The following ASAP1 variants were observed in gnomAD, a reference collection of about 807,000 sequenced individuals.
The protein encoded by ASAP1 is arf-GAP with SH3 domain, ANK repeat and PH domain-containing protein 1.
Under a neutral mutation model 145.2 loss-of-function variants are expected in ASAP1, and 43 were observed. The ratio of observed to expected loss-of-function variants is 0.30; its 90% CI spans 0.23 to 0.38. ASAP1 has a LOEUF of 0.38. Ranked by LOEUF, ASAP1 falls within the 10% of genes least tolerant of loss-of-function variation. The probability of loss-of-function intolerance (pLI) is 1.00; values close to 1 mark genes in which losing one functional copy is unlikely to be tolerated. For missense variants in ASAP1, 1,018 were observed against 1,355.3 expected, an observed-to-expected ratio of 0.75 and a Z score of 3.91; for synonymous variants, 546 against 515.5, an observed-to-expected ratio of 1.06 and a Z score of -0.80.
Position 130,137,104 on chromosome 8 carries a change from C to G in ASAP1, c.1081-66G>C, listed in dbSNP as rs916846671. On this transcript the variant is annotated intron_variant, in intron 13 of 29. Coordinates refer to ENST00000518721, the MANE Select transcript of ASAP1 (RefSeq NM_018482.4). ...ACTCTCTTGTCTGCAGGTTCAGTGC[C>G]CTGTAGGGCAGGTATGCTGTTCATA... 4 of 1,345,322 alleles carry G rather than the reference C, an allele frequency of 3.0e-6. No individual in the cohort carries two copies. In the East Asian group the frequency reaches 9.2e-5, roughly 31 times the overall value. 83.3% of individuals were successfully genotyped at this position (1,345,322 alleles called of 1,614,324 possible). A position where few individuals can be genotyped will look rare whatever the true frequency, so the allele number is the denominator to read the frequency against.
intron 11 of ASAP1, among the ~76,000 whole-genome samples, chr8:130,165,654 T>C (rs1035802995): frequency 4.6e-5 from 7 of 152,218 alleles, no homozygotes; most frequent in African/African-American, 7.2e-5. Flanking sequence ...ACTGCCTTAG[T>C]GTACACAGAT....
At chr8:130,382,658 C>T (rs1409263097) in intron 2 of ASAP1, among the ~76,000 whole-genome samples, 1 of 152,110 alleles carries the variant, frequency 6.6e-6, no homozygotes, top group Non-Finnish European at 1.5e-5. Context: ...ACCAGCCTGG[C>T]CAACATGGTG....
At chr8:130,110,437 C>T (rs1395392132) in intron 24 of ASAP1, among the ~76,000 whole-genome samples, 2 of 152,186 alleles carry the variant, frequency 1.3e-5, no homozygotes, top group African/African-American at 4.8e-5. Flanking sequence ...CTGTAGGGTG[C>T]AGAAAGAGAA....
At chr8:130,225,989 C>G (rs998857581) in intron 4 of ASAP1, among the ~76,000 whole-genome samples, 1 of 151,936 alleles carries the variant, frequency 6.6e-6, no homozygotes, top group African/African-American at 2.4e-5. Context: ...GTGATATTCC[C>G]ACTTCAGTCT....
At chr8:130,079,724 C>T (rs1258132246) in intron 26 of ASAP1, among the ~76,000 whole-genome samples, 178 bp downstream of exon 26, 1 of 152,060 alleles carries the variant, frequency 6.6e-6, no homozygotes, top group Non-Finnish European at 1.5e-5. Flanking sequence ...GTGCCCAGTC[C>T]AGTCACAAGA....
chr8:130,186,215 A>G (rs1020666874), intron 7 of ASAP1, among the ~76,000 whole-genome samples: 1 of 152,212 alleles, frequency 6.6e-6, no homozygotes, highest in African/African-American at 2.4e-5. Flanking sequence ...GACCATTTTA[A>G]GAACGTTTTT....
intron 24 of ASAP1, among the ~76,000 whole-genome samples, chr8:130,109,496 G>A (rs763418198): frequency 6.6e-6 from 1 of 151,904 alleles, no homozygotes; most frequent in Non-Finnish European, 1.5e-5. Context: ...TAATTTAGGG[G>A]TCCTTCAGAC....
intron 13 of ASAP1, among the ~76,000 whole-genome samples, chr8:130,147,444 G>T (rs1285845230): frequency 6.6e-6 from 1 of 152,130 alleles, no homozygotes; most frequent in Admixed American, 6.5e-5. Flanking sequence ...GAGATTCAGT[G>T]TCAGGGTTGA....
chr8:130,409,009 C>G (rs1232350236), intron 1 of ASAP1, among the ~76,000 whole-genome samples: 2 of 152,152 alleles, frequency 1.3e-5, no homozygotes, highest in African/African-American at 4.8e-5. Context: ...TGCTTGTAAT[C>G]CCAGCACTTT....
At chr8:130,066,888 A>G (rs1017178280) in intron 27 of ASAP1, among the ~76,000 whole-genome samples, 1 of 152,218 alleles carries the variant, frequency 6.6e-6, no homozygotes, top group Non-Finnish European at 1.5e-5. Flanking sequence ...AATTGTGAAG[A>G]GGCCCTGTTG....
At chr8:130,417,508 C>A (rs774793245) in intron 1 of ASAP1, among the ~76,000 whole-genome samples, 3 of 151,974 alleles carry the variant, frequency 2.0e-5, no homozygotes, top group African/African-American at 4.8e-5. Context: ...TCCCTTCTCA[C>A]AGTTCAGAGA....
intron 3 of ASAP1, among the ~76,000 whole-genome samples, chr8:130,313,372 G>C (rs1240511784): frequency 6.6e-6 from 1 of 151,568 alleles, no homozygotes; most frequent in East Asian, 1.9e-4. Context: ...CACTCTCAAT[G>C]AGATCACGTA....
intron 24 of ASAP1, among the ~76,000 whole-genome samples, chr8:130,105,740 G>A (rs2097535875): frequency 6.6e-6 from 1 of 152,220 alleles, no homozygotes; most frequent in African/African-American, 2.4e-5. Flanking sequence ...CAGGCATGGT[G>A]GAGTAGAGTG....
chr8:130,395,230 GCAA>G (rs938582121), intron 2 of ASAP1, among the ~76,000 whole-genome samples: 16 of 152,208 alleles, frequency 1.1e-4, no homozygotes, highest in African/African-American at 3.6e-4. Flanking sequence ...GAAAGGGAAG[GCAA>G]CAACAAGGCC....
At chr8:130,124,164 C>G in intron 17 of ASAP1, 60 bp from the exon 18 acceptor site, 1 of 1,184,526 alleles carries the variant, frequency 8.4e-7, no homozygotes. Context: ...AGTTAAAAGT[C>G]TCCTATTATT....
chr8:130,169,636 T>C (rs770680938), intron 9 of ASAP1, among the ~76,000 whole-genome samples: 12 of 152,240 alleles, frequency 7.9e-5, no homozygotes, highest in Admixed American at 2.6e-4. Context: ...CAACACATGG[T>C]TGCATGACTT....
At chr8:130,294,800 G>T (rs1172672477) in intron 3 of ASAP1, among the ~76,000 whole-genome samples, 2 of 152,104 alleles carry the variant, frequency 1.3e-5, no homozygotes, top group Non-Finnish European at 2.9e-5. Context: ...CAATTACTGA[G>T]GCAAATTACA....
intron 1 of ASAP1, among the ~76,000 whole-genome samples, chr8:130,406,543 G>A (rs373579964): frequency 6.5e-4 from 98 of 151,236 alleles, no homozygotes; most frequent in African/African-American, 1.0e-3. Flanking sequence ...GTGCAGTGGC[G>A]CGATCTCTGC....
At chr8:130,333,009 A>T (rs1331223849) in intron 3 of ASAP1, among the ~76,000 whole-genome samples, 6 of 152,202 alleles carry the variant, frequency 3.9e-5, no homozygotes, top group Non-Finnish European at 7.3e-5. Flanking sequence ...CAACATTCAC[A>T]GTGATTCAAG....
Sources: gnomAD v4.1 joint callset for allele counts (sites outside exome capture counted in the v4.1 genomes callset) on GRCh38, gnomAD v4.1.1 for gene constraint, MANE v1.5 for transcripts, NCBI Gene and HGNC (gene_info 2026-07-23, HGNC 2026-07-21) for gene names.